BBS9: variants seen among roughly 807,000 people sequenced by gnomAD.
BBS9 encodes Bardet-Biedl syndrome 9.
Under a neutral mutation model 117.7 loss-of-function variants are expected in BBS9, and 89 were observed. That is an observed-to-expected ratio of 0.76 (90% CI 0.64 to 0.90). The LOEUF is 0.90. Ranked by LOEUF, BBS9 falls within the 40% of genes least tolerant of loss-of-function variation. The pLI is 0.00. For missense variants in BBS9, 982 were observed against 1,042.2 expected (o/e 0.94, Z 0.80); for synonymous variants, 379 against 370.9 (o/e 1.02, Z -0.25).
At chr7:33,269,672 G>A (rs1005849817) in intron 7 of BBS9, among the ~76,000 whole-genome samples, 1 of 151,210 alleles carries the variant, frequency 6.6e-6, no homozygotes, top group Non-Finnish European at 1.5e-5. Flanking sequence ...ATTGCAGTGA[G>A]CCAAGATTGC....
At chr7:33,206,098 G>T (rs1445195670) in intron 5 of BBS9, among the ~76,000 whole-genome samples, 1 of 152,114 alleles carries the variant, frequency 6.6e-6, no homozygotes, top group Non-Finnish European at 1.5e-5. Context: ...CCCTGGCAGG[G>T]AGGTCATCTG....
chr7:33,364,093 C>T lies in BBS9; in HGVS notation c.1694-3674C>T, dbSNP rs1260909739. On this transcript the variant is annotated intron_variant, in intron 16 of 22. Coordinates refer to ENST00000242067, the MANE Select transcript of BBS9 (RefSeq NM_198428.3). Reference sequence around the variant, plus strand: ...CCTCCCGAGTAGCTGGGACTACAGGCGCCCGCTACCACGCCCGGCTAATTT... The same window carrying T: ...CCTCCCGAGTAGCTGGGACTACAGGTGCCCGCTACCACGCCCGGCTAATTT... Among the ~76,000 whole-genome samples, 4 of 88,710 alleles carry T rather than the reference C, an allele frequency of 4.5e-5. 1 individual carries two copies. The East Asian group carries it at 9.5e-4, about 21-fold the overall frequency. 58.2% of individuals were successfully genotyped at this position (88,710 alleles called of 152,430 possible).
intron 5 of BBS9, among the ~76,000 whole-genome samples, chr7:33,207,792 G>C (rs747949432): frequency 4.6e-5 from 7 of 151,632 alleles, no homozygotes; most frequent in Non-Finnish European, 1.0e-4. Flanking sequence ...ACATAAATGT[G>C]TACACTTACA....
intron 16 of BBS9, among the ~76,000 whole-genome samples, chr7:33,363,676 T>C (rs1411690981): frequency 6.6e-6 from 1 of 151,622 alleles, no homozygotes; most frequent in Non-Finnish European, 1.5e-5. Flanking sequence ...GCTATAAGTA[T>C]TTTTTAGATT....
intron 21 of BBS9, among the ~76,000 whole-genome samples, chr7:33,592,585 G>A (rs977835763): frequency 6.6e-6 from 1 of 152,074 alleles, no homozygotes; most frequent in African/African-American, 2.4e-5. Context: ...CTATGTGGAA[G>A]GATATGATAA....
intron 19 of BBS9, among the ~76,000 whole-genome samples, chr7:33,487,560 A>C (rs57591325): frequency 0.014 from 2,075 of 152,296 alleles, 51 homozygotes; most frequent in African/African-American, 0.048. Flanking sequence ...GCCTGAGGTA[A>C]ACAGCACAAT....
At chr7:33,219,294 G>C (rs925679388) in intron 5 of BBS9, among the ~76,000 whole-genome samples, 1 of 152,182 alleles carries the variant, frequency 6.6e-6, no homozygotes, top group Non-Finnish European at 1.5e-5. Context: ...GAGCTTCCCC[G>C]GTGAGCGCCG....
intron 19 of BBS9, among the ~76,000 whole-genome samples, chr7:33,482,144 ACT>A (rs764112412): frequency 6.6e-6 from 1 of 152,106 alleles, no homozygotes; most frequent in Non-Finnish European, 1.5e-5. Flanking sequence ...CAGTTACTCA[ACT>A]CTCACATATT....
chr7:33,203,970 G>A (rs368051975), intron 5 of BBS9, among the ~76,000 whole-genome samples: 1 of 151,154 alleles, frequency 6.6e-6, no homozygotes. Context: ...TAATCCGCCC[G>A]CCTCGGCCTC....
chr7:33,351,221 C>G lies in BBS9; in HGVS notation c.1435C>G (p.Pro479Ala). The change falls in exon 14 of 23, where the codon CCA (proline) becomes GCA (alanine). Residue 479 changes from proline to alanine, a missense_variant and splice_region_variant. By Grantham distance (27) the Pro-to-Ala change is conservative. Transcript: ENST00000242067. ...TATTATTTTTACATTGCTTATAGCA[C>G]CAGATTTGACTAGAACAGTAAGCTT... ...CDQFTFEFMT[P>A]DLTRTVSFSV... The G allele has an allele frequency of 6.3e-7, 1 of 1,596,498 alleles. No individual in the cohort carries two copies. Among genetic ancestry groups the G allele is most frequent in the East Asian group, 2.2e-5 (1 of 44,672 alleles).
intron 21 of BBS9, among the ~76,000 whole-genome samples, chr7:33,568,939 A>C (rs1857335496): frequency 6.6e-6 from 1 of 152,206 alleles, no homozygotes; most frequent in African/African-American, 2.4e-5. Flanking sequence ...ACAAGATAAA[A>C]AGGATAAGGA....
At chr7:33,400,584 T>TTTAC in intron 19 of BBS9, among the ~76,000 whole-genome samples, 1 of 152,136 alleles carries the variant, frequency 6.6e-6, no homozygotes, top group Non-Finnish European at 1.5e-5. Flanking sequence ...TCTCTCTCTC[T>TTTAC]TTAAGTAGAG....
At chr7:33,308,319 G>A (rs888117621) in intron 9 of BBS9, among the ~76,000 whole-genome samples, 1 of 152,090 alleles carries the variant, frequency 6.6e-6, no homozygotes, top group African/African-American at 2.4e-5. Context: ...AACAAAATAA[G>A]GCCAGAATTA....
At chr7:33,138,988 C>T (rs1187440476) in intron 1 of BBS9, among the ~76,000 whole-genome samples, 1 of 151,234 alleles carries the variant, frequency 6.6e-6, no homozygotes, top group Non-Finnish European at 1.5e-5. Context: ...TGTGGTGGCT[C>T]ATGCCTGTAA....
At position 33,341,621 on chromosome 7, in the gene BBS9, TTC is replaced by T. The variant is rs1170419352; in HGVS notation, c.1275+650_1275+651del. ...TCATTATCATCAAATTACATTTTAC[TTC>T]TTTCTACATTATAATAATCAACATC... On this transcript the variant is annotated intron_variant, in intron 11 of 22. Transcript: ENST00000242067. 5.5e-5 allele frequency among the ~76,000 whole-genome samples: 6 copies of T among 109,820 alleles called. No individual in the cohort carries two copies. The South Asian group carries it at 1.1e-3, about 20-fold the overall frequency. The allele number at this position is 109,820 out of a possible 152,430, so 72.0% of individuals were successfully genotyped here. A position where few individuals can be genotyped will look rare whatever the true frequency, so the allele number is the denominator to read the frequency against.
intron 19 of BBS9, among the ~76,000 whole-genome samples, chr7:33,499,907 G>T (rs1405476931): frequency 1.3e-5 from 2 of 152,166 alleles, no homozygotes; most frequent in Non-Finnish European, 1.5e-5. Flanking sequence ...CACTGAAAAT[G>T]TTGTAATGTG....
At chr7:33,342,312 T>C (rs1402579095) in intron 11 of BBS9, among the ~76,000 whole-genome samples, 1 of 152,104 alleles carries the variant, frequency 6.6e-6, no homozygotes, top group Non-Finnish European at 1.5e-5. Context: ...TCATTCTACC[T>C]GAAGGGTGTA....
intron 16 of BBS9, among the ~76,000 whole-genome samples, chr7:33,364,997 A>C (rs535236715): frequency 4.0e-4 from 61 of 151,816 alleles, no homozygotes; most frequent in Non-Finnish European, 7.4e-5. Context: ...CCAGAGTGCT[A>C]GACTTACTGC....
intron 21 of BBS9, among the ~76,000 whole-genome samples, chr7:33,568,211 A>G (rs532864438): frequency 5.9e-5 from 9 of 152,034 alleles, no homozygotes; most frequent in African/African-American, 1.7e-4. Flanking sequence ...CATGACATGG[A>G]TTTTTCTCTT....
Sources: gnomAD v4.1 joint callset for allele counts (sites outside exome capture counted in the v4.1 genomes callset) on GRCh38, gnomAD v4.1.1 for gene constraint, MANE v1.5 for transcripts, NCBI Gene and HGNC (gene_info 2026-07-23, HGNC 2026-07-21) for gene names.